TTN: variants seen among roughly 807,000 people sequenced by gnomAD.
The protein encoded by TTN is titin.
A neutral mutation model predicts 3,223.0 loss-of-function variants in TTN; 1,525 were observed. The observed-to-expected ratio is 0.47, with a 90% CI of 0.45 to 0.49. TTN has a LOEUF of 0.49. Ranked by LOEUF, TTN falls within the 20% of genes least tolerant of loss-of-function variation. The probability of loss-of-function intolerance (pLI) is 0.00; values close to 1 mark genes in which losing one functional copy is unlikely to be tolerated. For missense variants in TTN, 40,786 were observed against 43,424.0 expected (o/e 0.94, Z 5.40); for synonymous variants, 14,094 against 15,161.0 (o/e 0.93, Z 5.17).
Position 178,740,975 on chromosome 2 carries a change from T to C in TTN, c.12258A>G (p.Thr4086=), listed in dbSNP as rs1394867504. 1.2e-6 allele frequency: 2 copies of C among 1,613,966 alleles called. No homozygotes were observed. Among genetic ancestry groups the C allele is most frequent in the Non-Finnish European group, 1.7e-6 (2 of 1,179,850 alleles). Residue 4086 remains threonine (T), a synonymous_variant, in exon 48 of 363, where the codon ACA becomes ACG. Transcript: ENST00000589042. ...KDTILKAALI[T]EENQQLSYEH... ...CATAAGATAGTTGCTGGTTTTCTTC[T>C]GTAATTAAAGCAGCTTTCAAAATGG...
chr2:178,562,340 T>A lies in TTN; in HGVS notation c.83792A>T (p.Glu27931Val). 1 of 1,611,708 alleles carries A rather than the reference T, an allele frequency of 6.2e-7. No homozygotes were observed. The highest frequency in any genetic ancestry group is 8.5e-7 in the Non-Finnish European group (1 of 1,179,064). The change falls in exon 326 of 363, where the codon GAG (glutamate) becomes GTG (valine). Residue 27931 changes from glutamate to valine, a missense_variant. Physicochemically the swap from Glu to Val is moderately radical, Grantham distance 121 (BLOSUM62 -2). Coordinates refer to ENST00000589042, the MANE Select transcript of TTN (RefSeq NM_001267550.2). ...AACTGCAGCTACCCTGAAGACATACTCTTCTCCTGCAGTTAAGCCAGATAT... is the reference window on the plus strand; with the variant it reads ...AACTGCAGCTACCCTGAAGACATACACTTCTCCTGCAGTTAAGCCAGATAT... ...ATISGLTAGE[E>V]YVFRVAAVNE...
Position 178,565,879 on chromosome 2 carries a change from G to A in TTN, c.80253C>T (p.Ala26751=), listed in dbSNP as rs1271705974. ...SFKVENLTEG[A]IYYFRVMAEN... ...CAGCCATGACTCTGAAGTAATAAATGGCTCCTTCTGTAAGGTTTTCCACTT... is the reference window on the plus strand; with the variant it reads ...CAGCCATGACTCTGAAGTAATAAATAGCTCCTTCTGTAAGGTTTTCCACTT... Residue 26751 remains alanine, a synonymous_variant, in exon 326 of 363, where the codon GCC becomes GCT. Coordinates refer to ENST00000589042, the MANE Select transcript of TTN (RefSeq NM_001267550.2). 3 of 1,613,492 alleles carry A rather than the reference G, an allele frequency of 1.9e-6. No homozygotes were observed. The highest frequency in any genetic ancestry group is 1.7e-6 in the Non-Finnish European group (2 of 1,179,658).
rs372266703 is a variant in TTN, at chr2:178,592,010, G to A, written c.59894C>T (p.Thr19965Ile). 1.9e-6 allele frequency: 3 copies of A among 1,612,864 alleles called. No individual in the cohort carries two copies. The African/African-American group carries it at 4.0e-5, about 22-fold the overall frequency. Residue 19965 changes from threonine (T) to isoleucine (I), a missense_variant, in exon 302 of 363, where the codon ACA becomes ATA. Coordinates refer to ENST00000589042, the MANE Select transcript of TTN (RefSeq NM_001267550.2). ...NQYGRGPFVE[T>I]PKPIKALDPL... ...ATCCAAAGCCTTGATTGGTTTTGGT[G>A]TTTCAACAAAAGGACCACGTCCATA...
At position 178,646,493 on chromosome 2, in the gene TTN, G is replaced by A; in HGVS notation, c.40289C>T (p.Pro13430Leu). 6.5e-7 allele frequency: 1 copy of A among 1,545,088 alleles called. No homozygotes were observed. Among genetic ancestry groups the A allele is most frequent in the Non-Finnish European group, 8.8e-7 (1 of 1,142,764 alleles). Residue 13430 changes from proline to leucine, a missense_variant, in exon 216 of 363, where the codon CCA becomes CTA. Coordinates refer to ENST00000589042, the MANE Select transcript of TTN (RefSeq NM_001267550.2). The part of the protein sequence containing the change: ...PEPEPQPEEI[P>L]VKEPEPEKVI... Reference sequence around the variant, plus strand: ...TCCACTGGATTGAATACCTTTTACTGGTATTTCTTCAGGCTGTGGTTCAGG... The same window carrying A: ...TCCACTGGATTGAATACCTTTTACTAGTATTTCTTCAGGCTGTGGTTCAGG...
intron 213 of TTN, among the ~76,000 whole-genome samples, chr2:178,647,910 G>A (rs538730978): frequency 4.6e-5 from 7 of 152,044 alleles, no homozygotes; most frequent in Admixed American, 1.3e-4. Flanking sequence ...CCATTCTTTT[G>A]GCCATCTAGC....
intron 103 of TTN, 34 bp downstream of exon 103, chr2:178,705,137 ACTT>A: frequency 6.3e-7 from 1 of 1,599,438 alleles, no homozygotes; most frequent in Non-Finnish European, 8.5e-7. Context: ...TTTAAATGTG[ACTT>A]TTTTAGCATG....
At chr2:178,764,861 G>C (rs1267779147) in intron 41 of TTN, 50 bp from the exon 42 acceptor site, 3 of 1,605,050 alleles carry the variant, frequency 1.9e-6, no homozygotes, top group African/African-American at 1.3e-5. Context: ...AAAAACACAA[G>C]AGAGCATGCA....
chr2:178,638,513 G>A (rs78850256), intron 223 of TTN, among the ~76,000 whole-genome samples: 20 of 149,452 alleles, frequency 1.3e-4, no homozygotes, highest in African/African-American at 4.7e-4. Context: ...TGTTATTCCC[G>A]GGGCCTATGC....
At chr2:178,668,345 G>A (rs1302481058) in intron 159 of TTN, among the ~76,000 whole-genome samples, 1 of 152,132 alleles carries the variant, frequency 6.6e-6, no homozygotes, top group Non-Finnish European at 1.5e-5. Flanking sequence ...ATATTCAAAG[G>A]AGGAAGTGAT....
intron 20 of TTN, 77 bp downstream of exon 20, chr2:178,782,135 G>A: frequency 6.5e-7 from 1 of 1,533,298 alleles, no homozygotes; most frequent in Non-Finnish European, 9.0e-7. Context: ...GGTCGGTGGG[G>A]TGAGTAAATT....
At chr2:178,777,362 C>G in intron 26 of TTN, 45 bp from the exon 27 acceptor site, 1 of 1,612,902 alleles carries the variant, frequency 6.2e-7, no homozygotes, top group Admixed American at 1.7e-5. Flanking sequence ...GGCTGAAATA[C>G]CTGTTTATAA....
chr2:178,678,083 T>C (rs2068506116), intron 145 of TTN, 42 bp downstream of exon 145: 2 of 1,585,556 alleles, frequency 1.3e-6, no homozygotes, highest in African/African-American at 1.4e-5. Context: ...TAACACCAGT[T>C]AGTTTTGTCT....
At chr2:178,653,538 G>A (rs1434495390) in intron 196 of TTN, 31 bp from the exon 197 acceptor site, 1 of 1,290,498 alleles carries the variant, frequency 7.7e-7, no homozygotes, top group Non-Finnish European at 1.0e-6. Flanking sequence ...TTTCACTTAG[G>A]TTAATGAGAC....
Position 178,804,577 on chromosome 2 carries a change from G to A in TTN, c.66C>T (p.Thr22=), listed in dbSNP as rs143623862. The A allele has an allele frequency of 5.6e-5, 90 of 1,613,980 alleles. No individual in the cohort carries two copies. Among genetic ancestry groups the A allele is most frequent in the East Asian group, 4.0e-4 (18 of 44,862 alleles). ...LQSVVVLEGS[T]ATFEAHISGF... is the part of the protein sequence containing the mutation. Reference sequence around the variant, plus strand: ...CACTAATGTGAGCCTCAAAGGTTGCGGTACTACCCTCCAGTACCACAACGC... The same window carrying A: ...CACTAATGTGAGCCTCAAAGGTTGCAGTACTACCCTCCAGTACCACAACGC... Residue 22 remains threonine, a synonymous_variant, in exon 2 of 363, where the codon ACC becomes ACT. Transcript: ENST00000589042.
At chr2:178,640,491 A>G (rs1376622766) in intron 221 of TTN, 50 bp downstream of exon 221, 7 of 1,468,482 alleles carry the variant, frequency 4.8e-6, no homozygotes, top group Non-Finnish European at 6.6e-6. Flanking sequence ...ATTTTAAATG[A>G]TACATATTTG....
chr2:178,676,991 G>A lies in TTN; in HGVS notation c.34378+210C>T, dbSNP rs189805623. On this transcript the variant is annotated intron_variant, in intron 147 of 362. Coordinates refer to ENST00000589042, the MANE Select transcript of TTN (RefSeq NM_001267550.2). ...AATCAGAACTTTTGTATCAGTTCTGGGACAATGCTTCCTTTCATCTTTGTT... is the reference window on the plus strand; with the variant it reads ...AATCAGAACTTTTGTATCAGTTCTGAGACAATGCTTCCTTTCATCTTTGTT... Among the ~76,000 whole-genome samples, 1,538 of 151,388 alleles carry A rather than the reference G, an allele frequency of 0.01. 41 individuals are homozygous for A. The highest frequency in any genetic ancestry group is 8.9e-3 in the Non-Finnish European group (604 of 67,760).
chr2:178,583,537 T>A, intron 312 of TTN, 70 bp downstream of exon 312: 6 of 1,419,616 alleles, frequency 4.2e-6, no homozygotes, highest in Non-Finnish European at 5.6e-6. Context: ...TATATTTAGT[T>A]TTTTATTAGG....
chr2:178,751,699 A>T, intron 47 of TTN: 1 of 1,613,258 alleles, frequency 6.2e-7, no homozygotes, highest in Non-Finnish European at 8.5e-7. Context: ...GGACCCTTTT[A>T]ATCTCTAAGC....
In TTN at chr2:178,780,097, T is replaced by A. The variant is rs1561334356; in HGVS notation, c.3632A>T (p.Tyr1211Phe). 2.5e-6 allele frequency: 4 copies of A among 1,613,820 alleles called. No homozygotes were observed. The highest frequency in any genetic ancestry group is 3.4e-6 in the Non-Finnish European group (4 of 1,179,846). Residue 1211 changes from tyrosine to phenylalanine, a missense_variant, in exon 22 of 363, where the codon TAC becomes TTC. Transcript: ENST00000589042. ...TTCATACTCTTTTTCATACTCAGAG[T>A]ATACAAATCCAGGTGCTGTTTCTCC... Reference protein sequence around the residue: ...KVGETAPGFVYSEYEKEYEKE... With the variant: ...KVGETAPGFVFSEYEKEYEKE...
Sources: gnomAD v4.1 joint callset for allele counts (sites outside exome capture counted in the v4.1 genomes callset) on GRCh38, gnomAD v4.1.1 for gene constraint, MANE v1.5 for transcripts, NCBI Gene and HGNC (gene_info 2026-07-23, HGNC 2026-07-21) for gene names.